Variants in IKZF2 observed in about 807,000 individuals in gnomAD.
The protein encoded by IKZF2 is zinc finger protein Helios.
IKZF2 carries 15 observed loss-of-function variants against 49.2 expected under a neutral mutation model. That is an observed-to-expected ratio of 0.30 (90% confidence interval 0.20 to 0.47). The LOEUF (loss-of-function observed/expected upper bound fraction) is 0.47. Among genes scored for constraint, IKZF2 ranks in the 20% least tolerant of loss-of-function variants. IKZF2 has a pLI of 1.00. For missense variants in IKZF2, 567 were observed against 664.6 expected, an observed-to-expected ratio of 0.85 and a Z score of 1.61; for synonymous variants, 227 against 221.4, an observed-to-expected ratio of 1.03 and a Z score of -0.23.
At chr2:213,041,237 C>T (rs1413137777) in intron 6 of IKZF2, among the ~76,000 whole-genome samples, 1 of 149,454 alleles carries the variant, frequency 6.7e-6, no homozygotes, top group Non-Finnish European at 1.5e-5. Context: ...AGACTAATAC[C>T]TTTTATTTTC....
At chr2:213,021,867 C>A in intron 7 of IKZF2, 126 bp downstream of exon 7, 1 of 993,318 alleles carries the variant, frequency 1.0e-6, no homozygotes, top group South Asian at 1.8e-5. Context: ...GCAATGTATC[C>A]CAAAGCTCAA....
intron 4 of IKZF2, among the ~76,000 whole-genome samples, chr2:213,107,005 A>C (rs1371278025): frequency 1.3e-5 from 2 of 152,206 alleles, no homozygotes; most frequent in Non-Finnish European, 2.9e-5. Flanking sequence ...CTGATTAATT[A>C]TAATGGGGAA....
At chr2:213,048,305 A>C (rs1255861039) in intron 6 of IKZF2, among the ~76,000 whole-genome samples, 1 of 152,158 alleles carries the variant, frequency 6.6e-6, no homozygotes, top group African/African-American at 2.4e-5. Flanking sequence ...TGTACACACA[A>C]AACCATGATA....
chr2:213,132,024 T>C (rs1057427542), intron 4 of IKZF2, among the ~76,000 whole-genome samples: 1 of 152,178 alleles, frequency 6.6e-6, no homozygotes, highest in Admixed American at 6.5e-5. Flanking sequence ...TTTCTTAAAA[T>C]GTATTAGGCC....
chr2:213,086,514 G>A (rs1704616711), intron 4 of IKZF2, among the ~76,000 whole-genome samples: 1 of 152,158 alleles, frequency 6.6e-6, no homozygotes, highest in East Asian at 1.9e-4. Context: ...TGATCCCATG[G>A]TATTAAGGTA....
rs1214854180 is a variant in IKZF2, at chr2:213,124,238, GCT to G, written c.139+23468_139+23469del. Among the ~76,000 whole-genome samples, 427 of 117,432 alleles carry G rather than the reference GCT, an allele frequency of 3.6e-3. 3 individuals carry two copies. Among genetic ancestry groups the G allele is most frequent in the African/African-American group, 0.015 (366 of 24,164 alleles). The allele number at this position is 117,432 out of a possible 152,430, so 77.0% of individuals were successfully genotyped here. On this transcript the variant is annotated intron_variant, in intron 4 of 8. Transcript: ENST00000434687. ...TGTCCTTGTGTGCACGCACACATGC[GCT>G]CGCGCGCGCGCGCACACACACACAC... is the stretch of plus-strand genomic sequence containing the variant.
At chr2:213,015,263 T>G (rs912316405) in intron 7 of IKZF2, 2 of 152,024 alleles carry the variant, frequency 1.3e-5, no homozygotes, top group African/African-American at 2.4e-5. Flanking sequence ...GTCAAAAAAA[T>G]TGAATTGTAA....
In IKZF2 at chr2:213,089,768, TA is replaced by T. The variant is rs1705086324; in HGVS notation, c.140-32670del. On this transcript the variant is annotated intron_variant, in intron 4 of 8. Coordinates refer to ENST00000434687, the MANE Select transcript of IKZF2 (RefSeq NM_001387220.1). ...ATTCTGTAAGGGGGAGAAGGGTTAG[TA>T]AAAGGTAAGTATAGAGAAAAAAGTA... Among the ~76,000 whole-genome samples, 4 of 152,136 alleles carry T rather than the reference TA, an allele frequency of 2.6e-5. No homozygotes were observed. In the South Asian group the frequency reaches 8.3e-4, roughly 32 times the overall value.
chr2:213,028,658 T>G (rs1360895645), intron 6 of IKZF2, among the ~76,000 whole-genome samples: 1 of 152,174 alleles, frequency 6.6e-6, no homozygotes, highest in African/African-American at 2.4e-5. Context: ...TAAATTCCAA[T>G]GTCCAACTGT....
intron 5 of IKZF2, chr2:213,056,562 A>G: frequency 1.8e-6 from 1 of 552,658 alleles, no homozygotes; most frequent in South Asian, 2.0e-5. Flanking sequence ...AAATTCTCCT[A>G]TACCTTTTGA....
At position 213,004,346 on chromosome 2, in the gene IKZF2, G is replaced by T. The variant is rs1695150705; in HGVS notation, c.*3014C>A. The T allele has an allele frequency of 6.6e-6, 1 of 151,736 alleles. No individual in the cohort carries two copies. The highest frequency in any genetic ancestry group is 1.5e-5 in the Non-Finnish European group (1 of 67,814). The allele number at this position is 151,736 out of a possible 1,614,324, so 9.4% of individuals were successfully genotyped here. On this transcript the variant is annotated 3_prime_UTR_variant, in exon 9 of 9. Coordinates refer to ENST00000434687, the MANE Select transcript of IKZF2 (RefSeq NM_001387220.1). ...TGAAATTTCTTCCAATCCGCCTACT[G>T]ATCCCTTTCCCTGTCTTAAAAAGGT...
intron 4 of IKZF2, among the ~76,000 whole-genome samples, chr2:213,079,621 C>A (rs1703711175): frequency 6.6e-6 from 1 of 152,010 alleles, no homozygotes; most frequent in Non-Finnish European, 1.5e-5. Context: ...CCATAAATTT[C>A]TTGTATACTA....
intron 4 of IKZF2, among the ~76,000 whole-genome samples, chr2:213,080,713 T>G (rs915387555): frequency 6.6e-6 from 1 of 152,124 alleles, no homozygotes; most frequent in African/African-American, 2.4e-5. Flanking sequence ...TTTAAATCAC[T>G]GACAAATTTA....
chr2:213,091,629 G>A (rs569256001), intron 4 of IKZF2, among the ~76,000 whole-genome samples: 169 of 152,248 alleles, frequency 1.1e-3, no homozygotes, highest in Non-Finnish European at 2.1e-3. Flanking sequence ...AATTAGAGAT[G>A]TTAACCAAGA....
rs575947222 is a variant in IKZF2, at chr2:213,018,543, G to C, written c.712+3450C>G. Among the ~76,000 whole-genome samples the C allele has an allele frequency of 2.2e-4, 34 of 152,112 alleles. No individual in the cohort carries two copies. The South Asian group carries it at 6.7e-3, about 30-fold the overall frequency. ...ACACCATACCCCCTGCCCCAGGTAG[G>C]CATTTATCATGTATCCTCATTGGAG... On this transcript the variant is annotated intron_variant, in intron 7 of 8. Coordinates refer to ENST00000434687, the MANE Select transcript of IKZF2 (RefSeq NM_001387220.1).
intron 4 of IKZF2, among the ~76,000 whole-genome samples, chr2:213,118,621 T>G (rs1332409208): frequency 6.6e-6 from 1 of 152,180 alleles, no homozygotes; most frequent in Non-Finnish European, 1.5e-5. Flanking sequence ...CCAGAAAAAT[T>G]TTTGGAACAG....
At chr2:213,067,281 G>A (rs531025069) in intron 4 of IKZF2, among the ~76,000 whole-genome samples, 17 of 152,120 alleles carry the variant, frequency 1.1e-4, no homozygotes, top group African/African-American at 4.1e-4. Context: ...ACATAAATCT[G>A]GGGTTATGTT....
chr2:213,119,456 T>A (rs2059980307), intron 4 of IKZF2, among the ~76,000 whole-genome samples: 1 of 151,718 alleles, frequency 6.6e-6, no homozygotes, highest in East Asian at 1.9e-4. Flanking sequence ...TCATAAAAAA[T>A]CTAATGCTGC....
At chr2:213,057,505 T>A (rs532786424) in intron 4 of IKZF2, among the ~76,000 whole-genome samples, 19 of 152,190 alleles carry the variant, frequency 1.2e-4, no homozygotes, top group Non-Finnish European at 2.6e-4. Context: ...CTTAATTTAA[T>A]GATCATTATG....
Sources: gnomAD v4.1 joint callset for allele counts (sites outside exome capture counted in the v4.1 genomes callset) on GRCh38, gnomAD v4.1.1 for gene constraint, MANE v1.5 for transcripts, NCBI Gene and HGNC (gene_info 2026-07-23, HGNC 2026-07-21) for gene names.